The following DRC5 variants were observed in gnomAD, a reference collection of about 807,000 sequenced individuals.
DRC5 encodes dynein regulatory complex subunit 5, also known as T-complex-associated testis-expressed protein 1.
the DRC5 span, chr6:44,286,306 G>C: frequency 7.4e-6 from 12 of 1,613,376 alleles, no homozygotes; most frequent in African/African-American, 1.3e-5. Context: ...TGGTGCCTGG[G>C]ATAAAGTGCT....
the DRC5 span, chr6:44,286,173 C>T: frequency 4.3e-6 from 7 of 1,612,638 alleles, no homozygotes; most frequent in Non-Finnish European, 4.2e-6. Context: ...CTGCCTGAGT[C>T]GGACTGGTCG....
the DRC5 span, chr6:44,286,398 G>T: frequency 6.2e-7 from 1 of 1,614,162 alleles, no homozygotes; most frequent in Non-Finnish European, 8.5e-7. Context: ...ACGGGCCAGC[G>T]ATGCATGCAG....
the DRC5 span, chr6:44,287,716 A>G: frequency 6.2e-7 from 1 of 1,614,012 alleles, no homozygotes. Context: ...AGGCTTTGAG[A>G]GCTGTGGGCT....
chr6:44,284,217 T>C, the DRC5 span, among the ~76,000 whole-genome samples: 1 of 152,104 alleles, frequency 6.6e-6, no homozygotes, highest in Non-Finnish European at 1.5e-5. Context: ...GTGACCTCCA[T>C]GTTCACTAAA....
the DRC5 span, among the ~76,000 whole-genome samples, chr6:44,288,992 T>C: frequency 7.4e-4 from 1 of 1,344 alleles, no homozygotes; most frequent in Non-Finnish European, 8.9e-3. Flanking sequence ...AGACTCTGTC[T>C]CAAAAAAAAA....
At chr6:44,296,941 G>GGACT in the DRC5 span, among the ~76,000 whole-genome samples, 2 of 150,334 alleles carry the variant, frequency 1.3e-5, no homozygotes, top group Non-Finnish European at 1.5e-5. Flanking sequence ...GCCTCGGCCC[G>GGACT]TGTGCTTGGA....
At chr6:44,293,593 C>T in the DRC5 span, among the ~76,000 whole-genome samples, 13 of 152,182 alleles carry the variant, frequency 8.5e-5, no homozygotes, top group South Asian at 2.1e-4. Context: ...CTGGGGCCAG[C>T]GTCTGAGGGC....
the DRC5 span, among the ~76,000 whole-genome samples, chr6:44,285,285 A>G: frequency 1.3e-5 from 2 of 152,258 alleles, no homozygotes; most frequent in African/African-American, 4.8e-5. Flanking sequence ...ATTCAGGGGT[A>G]CCAGAAAAAA....
the DRC5 span, chr6:44,282,270 C>G: frequency 2.5e-6 from 4 of 1,614,162 alleles, no homozygotes; most frequent in African/African-American, 5.3e-5. Flanking sequence ...AAGAGCCTGG[C>G]CACCCTCATC....
chr6:44,283,640 C>A, the DRC5 span, among the ~76,000 whole-genome samples: 1 of 152,230 alleles, frequency 6.6e-6, no homozygotes, highest in Non-Finnish European at 1.5e-5. Flanking sequence ...CCTGGATCAG[C>A]CCCACTCTCT....
the DRC5 span, among the ~76,000 whole-genome samples, chr6:44,288,809 C>T: frequency 6.6e-6 from 1 of 151,762 alleles, no homozygotes; most frequent in Non-Finnish European, 1.5e-5. Context: ...GCCTGGCCAA[C>T]ATGGTGAAAT....
At chr6:44,282,623 T>A in the DRC5 span, 3 of 1,473,450 alleles carry the variant, frequency 2.0e-6, no homozygotes, top group Admixed American at 6.0e-5. Flanking sequence ...CCCACCTAGA[T>A]CTTTGGCAAA....
the DRC5 span, among the ~76,000 whole-genome samples, chr6:44,295,516 C>G: frequency 7.2e-5 from 11 of 152,284 alleles, no homozygotes; most frequent in South Asian, 2.1e-3. Flanking sequence ...GACATTAACT[C>G]AAAGGATTGG....
chr6:44,285,897 G>A, the DRC5 span: 4 of 1,380,800 alleles, frequency 2.9e-6, no homozygotes, highest in Non-Finnish European at 4.0e-6. Context: ...AGAGGAGGAA[G>A]AGGAGGGGAG....
the DRC5 span, chr6:44,287,404 G>T: frequency 2.0e-6 from 2 of 988,940 alleles, no homozygotes; most frequent in Non-Finnish European, 2.9e-6. Context: ...TGGAAGGGAA[G>T]TGTTGAGTGG....
the DRC5 span, among the ~76,000 whole-genome samples, chr6:44,288,950 T>C: frequency 8.7e-6 from 1 of 114,460 alleles, no homozygotes; most frequent in African/African-American, 3.4e-5. Context: ...GCCAAGACTG[T>C]GCTACTGCCC....
the DRC5 span, among the ~76,000 whole-genome samples, chr6:44,289,503 G>GT: frequency 3.3e-4 from 50 of 152,270 alleles, no homozygotes; most frequent in Non-Finnish European, 5.9e-4. Flanking sequence ...TGTGGCTACT[G>GT]TTTCAGAGAG....
chr6:44,288,748 C>T, the DRC5 span, among the ~76,000 whole-genome samples: 5 of 152,214 alleles, frequency 3.3e-5, no homozygotes, highest in African/African-American at 1.2e-4. Flanking sequence ...AATCCCAGCA[C>T]TTTGGGAGGC....
At chr6:44,285,036 T>A in the DRC5 span, among the ~76,000 whole-genome samples, 1 of 152,192 alleles carries the variant, frequency 6.6e-6, no homozygotes, top group Admixed American at 6.5e-5. Flanking sequence ...CACCTCACAC[T>A]CTGCGCCAGC....
Sources: gnomAD v4.1 joint callset for allele counts (sites outside exome capture counted in the v4.1 genomes callset) on GRCh38, gnomAD v4.1.1 for gene constraint, MANE v1.5 for transcripts, NCBI Gene and HGNC (gene_info 2026-07-23, HGNC 2026-07-21) for gene names.